Variants in SLITRK4 observed in about 807,000 individuals in gnomAD.
The protein encoded by SLITRK4 is SLIT and NTRK like family member 4, also known as SLIT and NTRK-like protein 4.
SLITRK4 carries 7 observed loss-of-function variants against 34.7 expected under a neutral mutation model. The observed-to-expected ratio is 0.20, with a 90% CI of 0.11 to 0.38. SLITRK4 has a LOEUF of 0.38. SLITRK4 is among the 10% of genes least tolerant of loss of function. The pLI is 1.00. For missense variants in SLITRK4, 474 were observed against 607.0 expected (o/e 0.78, Z 2.30); for synonymous variants, 237 against 246.2 (o/e 0.96, Z 0.35).
rs139509433 is a variant in SLITRK4 at position 143,628,905 on chromosome X, T to G, written c.2204A>C (p.Asp735Ala). 5.8e-5 allele frequency: 70 copies of G among 1,210,384 alleles called. No homozygotes were observed. The highest frequency in any genetic ancestry group is 6.6e-5 in the Non-Finnish European group (59 of 895,285). Reference protein sequence around the residue: ...ADKEKDLLHVDTRKRLSTIDE... With the variant: ...ADKEKDLLHVATRKRLSTIDE... ...AATTGTGCTCAGTCTCTTCCTGGTA[T>G]CTACATGTAATAAATCTTTCTCCTT... The change falls in exon 2 of 2, where the codon GAT becomes GCT. Residue 735 changes from aspartate to alanine, a missense_variant. Physicochemically the swap from Asp to Ala is moderately radical, Grantham distance 126. Around this residue, in one of 3 missense-constraint regions of SLITRK4, gnomAD observed 345 missense variants for 406.5 expected, o/e 0.85. Transcript: ENST00000356928.
chrX:143,628,238 G>C lies in SLITRK4; in HGVS notation c.*357C>G, dbSNP rs1178076923. On this transcript the variant is annotated 3_prime_UTR_variant, in exon 2 of 2. Coordinates refer to ENST00000356928, the MANE Select transcript of SLITRK4 (RefSeq NM_001184749.3). ...AAGATAAAGGACCCAGCTGGTACAG[G>C]TGTACCAGTTTTCTTGAGTTTGCTT... 1 of 294,644 alleles carries C rather than the reference G, an allele frequency of 3.4e-6. No homozygotes were observed. The highest frequency in any genetic ancestry group is 5.8e-6 in the Non-Finnish European group (1 of 171,273). 24.3% of individuals were successfully genotyped at this position (294,644 alleles called of 1,213,427 possible).
rs1351525246 is a variant in SLITRK4 at position 143,629,178 on chromosome X, C to T, written c.1931G>A (p.Arg644Gln). 8 of 1,210,766 alleles carry T rather than the reference C, an allele frequency of 6.6e-6. No homozygotes were observed. The highest frequency in any genetic ancestry group is 3.0e-5 in the East Asian group (1 of 33,805). Reference protein sequence around the residue: ...VAFCLLVFVLRRNKKPTVKHE... With the variant: ...VAFCLLVFVLQRNKKPTVKHE... Reference sequence around the variant, plus strand: ...CTTCACTGTGGGTTTCTTGTTGCGTCGCAGGACAAAAACAAGAAGGCAAAA... The same window carrying T: ...CTTCACTGTGGGTTTCTTGTTGCGTTGCAGGACAAAAACAAGAAGGCAAAA... Residue 644 changes from arginine to glutamine, a missense_variant, in exon 2 of 2, where the codon CGA (arginine) becomes CAA (glutamine). Physicochemically the swap from Arg to Gln is conservative, Grantham distance 43. Coordinates refer to ENST00000356928, the MANE Select transcript of SLITRK4 (RefSeq NM_001184749.3).
Position 143,631,128 on chromosome X carries a change from A to G in SLITRK4, c.-20T>C, listed in dbSNP as rs781968748. ...AAACATCTTCTTGCAATCAGCAAAC[A>G]ACTGTATGCTTCTGAATAAAGAGAA... is the stretch of plus-strand genomic sequence containing the variant. On this transcript the variant is annotated 5_prime_UTR_variant, in exon 2 of 2. Transcript: ENST00000356928. 3.7e-6 allele frequency: 4 copies of G among 1,076,326 alleles called. No individual in the cohort carries two copies. Among genetic ancestry groups the G allele is most frequent in the Non-Finnish European group, 5.0e-6 (4 of 804,307 alleles). 88.7% of individuals were successfully genotyped at this position (1,076,326 alleles called of 1,213,427 possible).
At position 143,630,350 on chromosome X, in the gene SLITRK4, T is replaced by C; in HGVS notation, c.759A>G (p.Leu253=). The C allele has an allele frequency of 8.3e-7, 1 of 1,211,837 alleles. No individual in the cohort carries two copies. Among genetic ancestry groups the C allele is most frequent in the Non-Finnish European group, 1.1e-6 (1 of 895,584 alleles). The change falls in exon 2 of 2, where the codon TTA becomes TTG. Residue 253 remains leucine, a synonymous_variant. Transcript: ENST00000356928. ...ETPSDLYGRL[L]KETNKQELCP... is the part of the protein sequence containing the mutation. ...ATAGCTCTTGTTTGTTGGTTTCTTTTAAAAGCCTTCCATATAAGTCACTGG... is the reference window on the plus strand; with the variant it reads ...ATAGCTCTTGTTTGTTGGTTTCTTTCAAAAGCCTTCCATATAAGTCACTGG...
In SLITRK4 at chrX:143,625,348, A is replaced by G. The variant is rs930251924; in HGVS notation, c.*3247T>C. 2.2e-4 allele frequency: 25 copies of G among 111,779 alleles called. No homozygotes were observed. Among genetic ancestry groups the G allele is most frequent in the Admixed American group, 1.1e-3 (12 of 10,507 alleles). The allele number at this position is 111,779 out of a possible 1,213,427, so 9.2% of individuals were successfully genotyped here. ...AGCTGCTTTCTCATAAAATTACACA[A>G]AGTCTTACTTTTAAAGAATTGAATC... is the stretch of plus-strand genomic sequence containing the variant. On this transcript the variant is annotated 3_prime_UTR_variant, in exon 2 of 2. Coordinates refer to ENST00000356928, the MANE Select transcript of SLITRK4 (RefSeq NM_001184749.3).
At position 143,630,973 on chromosome X, in the gene SLITRK4, C is replaced by A. The variant is rs1251183991; in HGVS notation, c.136G>T (p.Val46Phe). The A allele has an allele frequency of 8.3e-7, 1 of 1,210,903 alleles. No individual in the cohort carries two copies. Among genetic ancestry groups the A allele is most frequent in the Middle Eastern group, 2.3e-4 (1 of 4,353 alleles). The change falls in exon 2 of 2, where the codon GTT (valine) becomes TTT (phenylalanine). Residue 46 changes from valine to phenylalanine, a missense_variant. Transcript: ENST00000356928. ...AGCTGATTTGGTCTGTAGACTGAAA[C>A]CTTCTCACAGTTGACATAGAGCACA... The part of the protein sequence containing the change: ...ENVLYVNCEK[V>F]SVYRPNQLKP...
chrX:143,631,052 A>G lies in SLITRK4; in HGVS notation c.57T>C (p.Asp19=). ...LSALISSTNA[D]SDISVEICNV... ...TGCAAATTTCCACCGATATGTCAGA[A>G]TCTGCATTTGTCGAAGAAATCAGGG... The change falls in exon 2 of 2, where the codon GAT becomes GAC. Residue 19 remains aspartate, a synonymous_variant. Coordinates refer to ENST00000356928, the MANE Select transcript of SLITRK4 (RefSeq NM_001184749.3). 1 of 1,195,320 alleles carries G rather than the reference A, an allele frequency of 8.4e-7. No individual in the cohort carries two copies. Among genetic ancestry groups the G allele is most frequent in the Non-Finnish European group, 1.1e-6 (1 of 890,007 alleles).
Position 143,628,130 on chromosome X carries a change from T to TTTTTTTTTTTTTTTTTTTTTG in SLITRK4, c.*464_*465insCAAAAAAAAAAAAAAAAAAAA. Reference sequence around the variant, plus strand: ...TTTTTTTTTTTTTTTTTTTTTTTACTTTTCAGATAATCTTTACACGGAGTT... The same window carrying TTTTTTTTTTTTTTTTTTTTTG: ...TTTTTTTTTTTTTTTTTTTTTTTACTTTTTTTTTTTTTTTTTTTTTGTTTCAGATAATCTTTACACGGAGTT... On this transcript the variant is annotated 3_prime_UTR_variant, in exon 2 of 2. Coordinates refer to ENST00000356928, the MANE Select transcript of SLITRK4 (RefSeq NM_001184749.3). 1 of 193,023 alleles carries TTTTTTTTTTTTTTTTTTTTTG rather than the reference T, an allele frequency of 5.2e-6. No individual in the cohort carries two copies. The highest frequency in any genetic ancestry group is 8.8e-6 in the Non-Finnish European group (1 of 113,518). 15.9% of individuals were successfully genotyped at this position (193,023 alleles called of 1,213,427 possible).
At position 143,630,533 on chromosome X, in the gene SLITRK4, C is replaced by T. The variant is rs782087238; in HGVS notation, c.576G>A (p.Lys192=). Residue 192 remains lysine, a synonymous_variant, in exon 2 of 2, where the codon AAG becomes AAA. Coordinates refer to ENST00000356928, the MANE Select transcript of SLITRK4 (RefSeq NM_001184749.3). The part of the protein sequence containing the change: ...HLDIRGNRIQ[K]LPYIGVLEHI... Reference sequence around the variant, plus strand: ...GTTCCAGAACCCCGATATAAGGGAGCTTCTGGATTCTGTTCCCTCGTATAT... The same window carrying T: ...GTTCCAGAACCCCGATATAAGGGAGTTTCTGGATTCTGTTCCCTCGTATAT... The T allele has an allele frequency of 2.5e-6, 3 of 1,211,399 alleles. No homozygotes were observed. Among genetic ancestry groups the T allele is most frequent in the Non-Finnish European group, 3.4e-6 (3 of 895,288 alleles).
At position 143,627,960 on chromosome X, in the gene SLITRK4, T is replaced by A. The variant is rs1244146898; in HGVS notation, c.*635A>T. On this transcript the variant is annotated 3_prime_UTR_variant, in exon 2 of 2. Coordinates refer to ENST00000356928, the MANE Select transcript of SLITRK4 (RefSeq NM_001184749.3). Reference sequence around the variant, plus strand: ...GCTTAAAGTGTTCAAATTTATTTTATAGTTATGTAATGTATGTTATATTTT... The same window carrying A: ...GCTTAAAGTGTTCAAATTTATTTTAAAGTTATGTAATGTATGTTATATTTT... 2 of 242,396 alleles carry A rather than the reference T, an allele frequency of 8.3e-6. No homozygotes were observed. Among genetic ancestry groups the A allele is most frequent in the Non-Finnish European group, 1.4e-5 (2 of 138,401 alleles). The allele number at this position is 242,396 out of a possible 1,213,427, so 20.0% of individuals were successfully genotyped here. A position where few individuals can be genotyped will look rare whatever the true frequency, so the allele number is the denominator to read the frequency against.
In SLITRK4 at chrX:143,626,756, T is replaced by G; in HGVS notation, c.*1839A>C. ...ATCTTACTGATTCATAAGGTAATTA[T>G]AAGAGATAGGACACACACTCTCACA... is the stretch of plus-strand genomic sequence containing the variant. On this transcript the variant is annotated 3_prime_UTR_variant, in exon 2 of 2. Coordinates refer to ENST00000356928, the MANE Select transcript of SLITRK4 (RefSeq NM_001184749.3). 9.3e-6 allele frequency: 1 copy of G among 107,890 alleles called. No individual in the cohort carries two copies. The highest frequency in any genetic ancestry group is 3.4e-5 in the African/African-American group (1 of 29,700). 8.9% of individuals were successfully genotyped at this position (107,890 alleles called of 1,213,427 possible).
intron 1 of SLITRK4, 84 bp from the exon 2 acceptor site, chrX:143,631,242 G>A: frequency 6.2e-6 from 3 of 483,401 alleles, no homozygotes; most frequent in Non-Finnish European, 6.5e-6. Flanking sequence ...GTGAACACAT[G>A]GCTATAATTA....
chrX:143,633,300 G>A (rs782344644), intron 1 of SLITRK4, among the ~76,000 whole-genome samples: 6 of 111,211 alleles, frequency 5.4e-5, no homozygotes, highest in Non-Finnish European at 1.1e-4. Flanking sequence ...GTGGAGAAAG[G>A]AAGAAAAAGA....
chrX:143,631,338 T>G (rs782651579), intron 1 of SLITRK4, among the ~76,000 whole-genome samples, 180 bp from the exon 2 acceptor site: 1 of 111,796 alleles, frequency 8.9e-6, no homozygotes, highest in Non-Finnish European at 1.9e-5. Context: ...CCATACATTT[T>G]ATTTTCCATA....
At position 143,630,791 on chromosome X, in the gene SLITRK4, G is replaced by A. The variant is rs41310466; in HGVS notation, c.318C>T (p.Leu106=). ...QNIEGGAFLG[L]SALKQLHLNN... ...TCAAGTGCAACTGCTTTAATGCACT[G>A]AGCCCAAGAAAGGCTCCTCCCTCAA... The change falls in exon 2 of 2, where the codon CTC becomes CTT. Residue 106 remains leucine, a synonymous_variant. Transcript: ENST00000356928. 1.0e-3 allele frequency: 1,242 copies of A among 1,210,317 alleles called. 2 individuals are homozygous for A. Among genetic ancestry groups the A allele is most frequent in the Non-Finnish European group, 1.2e-3 (1,046 of 895,283 alleles).
rs1556425444 is a variant in SLITRK4 at position 143,626,247 on chromosome X, A to C, written c.*2348T>G. The C allele has an allele frequency of 9.0e-6, 1 of 111,398 alleles. No individual in the cohort carries two copies. The highest frequency in any genetic ancestry group is 1.9e-5 in the Non-Finnish European group (1 of 52,804). 9.2% of individuals were successfully genotyped at this position (111,398 alleles called of 1,213,427 possible). ...AGCCCTTTAATCCATGGATGTGTGC[A>C]TGCATGGTAATGGCATATCAAAAGT... On this transcript the variant is annotated 3_prime_UTR_variant, in exon 2 of 2. Coordinates refer to ENST00000356928, the MANE Select transcript of SLITRK4 (RefSeq NM_001184749.3).
In SLITRK4 at chrX:143,624,244, A is replaced by C. The variant is rs1340836094; in HGVS notation, c.*4351T>G. 8.9e-6 allele frequency: 1 copy of C among 112,031 alleles called. No individual in the cohort carries two copies. The highest frequency in any genetic ancestry group is 1.9e-5 in the Non-Finnish European group (1 of 53,059). The allele number at this position is 112,031 out of a possible 1,213,427, so 9.2% of individuals were successfully genotyped here. ...ATTTGGGTAAAGTCATGGATTGATA[A>C]TTTTGGTCATCTTTAAAAGAACCAA... On this transcript the variant is annotated 3_prime_UTR_variant, in exon 2 of 2. Transcript: ENST00000356928.
rs1282248130 is a variant in SLITRK4, at chrX:143,629,369, A to G, written c.1740T>C (p.Cys580=). 46 of 1,209,697 alleles carry G rather than the reference A, an allele frequency of 3.8e-5. No individual in the cohort carries two copies. Among genetic ancestry groups the G allele is most frequent in the Non-Finnish European group, 5.0e-5 (45 of 895,229 alleles). ...CAGACGGCTTATTTAAAAGTTTGGG[A>G]CATAAGATTTCATTTTTGAGGGACT... The part of the protein sequence containing the change: ...ELKSLKNEIL[C]PKLLNKPSAP... Residue 580 remains cysteine, a synonymous_variant, in exon 2 of 2, where the codon TGT becomes TGC. Transcript: ENST00000356928.
rs782236025 is a variant in SLITRK4 at position 143,629,729 on chromosome X, C to T, written c.1380G>A (p.Leu460=). ...AGGTGCCTGCTGAGATTTCCTTAAT[C>T]AAATTGTATTCCAAATACAGATACT... ...NLQYLYLEYN[L]IKEISAGTFD... The change falls in exon 2 of 2, where the codon TTG becomes TTA. Residue 460 remains leucine, a synonymous_variant. Transcript: ENST00000356928. 1 of 1,211,238 alleles carries T rather than the reference C, an allele frequency of 8.3e-7. No homozygotes were observed. Among genetic ancestry groups the T allele is most frequent in the Non-Finnish European group, 1.1e-6 (1 of 895,214 alleles).
Sources: gnomAD v4.1 joint callset for allele counts (sites outside exome capture counted in the v4.1 genomes callset) on GRCh38, gnomAD v4.1.1 for gene constraint, gnomAD v4.1.1 regional missense constraint, MANE v1.5 for transcripts, NCBI Gene and HGNC (gene_info 2026-07-23, HGNC 2026-07-21) for gene names.